Variants in MYO3A observed in about 807,000 individuals in gnomAD.
MYO3A encodes myosin-IIIa.
Under a neutral mutation model 192.7 loss-of-function variants are expected in MYO3A, and 180 were observed. That is an observed-to-expected ratio of 0.93 (90% CI 0.83 to 1.06). The LOEUF (loss-of-function observed/expected upper bound fraction) is 1.06, where lower values mean the gene tolerates loss of function less well. Ranked by LOEUF, MYO3A falls within the 50% of genes least tolerant of loss-of-function variation. The pLI is 0.00. For missense variants in MYO3A, 1,896 were observed against 1,905.0 expected (o/e 1.00, Z 0.09); for synonymous variants, 628 against 645.3 (o/e 0.97, Z 0.41).
intron 17 of MYO3A, among the ~76,000 whole-genome samples, chr10:26,097,056 C>T (rs1342822166): frequency 6.6e-6 from 1 of 151,596 alleles, no homozygotes; most frequent in Non-Finnish European, 1.5e-5. Context: ...TATAATTCAC[C>T]TATTTAAGGT....
intron 33 of MYO3A, 166 bp from the exon 34 acceptor site, chr10:26,202,798 T>C (rs529452298): frequency 4.2e-6 from 3 of 711,996 alleles, no homozygotes; most frequent in East Asian, 2.9e-5. Context: ...TTTTTACTTA[T>C]GGGATACACT....
At chr10:26,143,353 GC>G (rs1361619830) in intron 20 of MYO3A, 94 bp from the exon 21 acceptor site, 1 of 1,302,056 alleles carries the variant, frequency 7.7e-7, no homozygotes, top group East Asian at 2.5e-5. Context: ...GTCAAAGGGA[GC>G]AATTTATTTT....
At chr10:25,958,298 C>G (rs905513167) in intron 4 of MYO3A, among the ~76,000 whole-genome samples, 3 of 152,094 alleles carry the variant, frequency 2.0e-5, no homozygotes, top group Non-Finnish European at 4.4e-5. Context: ...CAGTTTCAAT[C>G]TTCTGCATAT....
At chr10:26,068,920 A>G in intron 12 of MYO3A, 36 bp downstream of exon 12, 1 of 1,252,686 alleles carries the variant, frequency 8.0e-7, no homozygotes, top group South Asian at 1.2e-5. Flanking sequence ...TACTTCATAC[A>G]CATAATTATA....
rs10715590 is a variant in MYO3A at position 26,145,179 on chromosome 10, C to CA, written c.2417-248dup. On this transcript the variant is annotated intron_variant, in intron 21 of 34. Transcript: ENST00000642920. ...GGGCAACAAGAACGAAACTCTGTCT[C>CA]AAAAAAAAAAAAAAAAAAACCCTCA... Among the ~76,000 whole-genome samples, 1,465 of 94,106 alleles carry CA rather than the reference C, an allele frequency of 0.016. 10 individuals are homozygous for CA. Among genetic ancestry groups the CA allele is most frequent in the South Asian group, 0.023 (57 of 2,450 alleles). The allele number at this position is 94,106 out of a possible 152,430, so 61.7% of individuals were successfully genotyped here.
chr10:26,034,847 ATATATTTAATATTGGTG>A (rs1842953598), intron 10 of MYO3A, among the ~76,000 whole-genome samples: 1 of 151,516 alleles, frequency 6.6e-6, no homozygotes, highest in Non-Finnish European at 1.5e-5. Context: ...ATATATTGAT[ATATATTTAATATTGGTG>A]TATATTTAAT....
At chr10:26,066,704 G>T (rs1219226070) in intron 10 of MYO3A, among the ~76,000 whole-genome samples, 1 of 152,098 alleles carries the variant, frequency 6.6e-6, no homozygotes, top group Admixed American at 6.6e-5. Flanking sequence ...GAAATTTAGA[G>T]GAAGCTTTAA....
At chr10:26,027,205 T>A (rs1057449696) in intron 10 of MYO3A, among the ~76,000 whole-genome samples, 1 of 152,252 alleles carries the variant, frequency 6.6e-6, no homozygotes, top group Non-Finnish European at 1.5e-5. Flanking sequence ...TTAAATATCT[T>A]CGTACATCCT....
At position 26,193,211 on chromosome 10, in the gene MYO3A, G is replaced by A. The variant is rs1843236466; in HGVS notation, c.4445G>A (p.Cys1482Tyr). The change falls in exon 32 of 35, where the codon TGT becomes TAT. Residue 1482 changes from cysteine (C) to tyrosine (Y), a missense_variant. Coordinates refer to ENST00000642920, the MANE Select transcript of MYO3A (RefSeq NM_017433.5). ...ATGATCACCTTTCTTATAGGTGTCTGTAAAGGAGAGGAGCCAAAAATATTG... is the reference window on the plus strand; with the variant it reads ...ATGATCACCTTTCTTATAGGTGTCTATAAAGGAGAGGAGCCAAAAATATTG... ...VSSQQCLSGV[C>Y]KGEEPKILRP... is the part of the protein sequence containing the mutation. The A allele has an allele frequency of 6.2e-7, 1 of 1,611,406 alleles. No individual in the cohort carries two copies. The highest frequency in any genetic ancestry group is 8.5e-7 in the Non-Finnish European group (1 of 1,177,622).
At chr10:26,083,033 C>A (rs1395176064) in intron 14 of MYO3A, among the ~76,000 whole-genome samples, 6 of 152,188 alleles carry the variant, frequency 3.9e-5, no homozygotes, top group Non-Finnish European at 8.8e-5. Flanking sequence ...AGATAGTAGA[C>A]CGCAGCATAC....
chr10:26,079,162 A>G (rs1588914729), intron 14 of MYO3A, among the ~76,000 whole-genome samples: 1 of 152,098 alleles, frequency 6.6e-6, no homozygotes, highest in African/African-American at 2.4e-5. Flanking sequence ...TCTTAGGTCT[A>G]TTAGTAATTG....
chr10:26,083,258 A>C (rs1277103708), intron 14 of MYO3A, among the ~76,000 whole-genome samples: 3 of 152,240 alleles, frequency 2.0e-5, no homozygotes, highest in African/African-American at 7.2e-5. Context: ...TAGCATATAC[A>C]ACATGGATAC....
intron 17 of MYO3A, among the ~76,000 whole-genome samples, chr10:26,109,686 A>G (rs762195686): frequency 6.6e-6 from 1 of 152,218 alleles, no homozygotes; most frequent in Non-Finnish European, 1.5e-5. Context: ...CCAACTTTTA[A>G]AGTAAACTTT....
At chr10:26,136,436 C>CT (rs1839850364) in intron 20 of MYO3A, among the ~76,000 whole-genome samples, 2 of 152,222 alleles carry the variant, frequency 1.3e-5, no homozygotes, top group South Asian at 4.1e-4. Flanking sequence ...TTCCCTGTCA[C>CT]TGCATATACC....
intron 6 of MYO3A, among the ~76,000 whole-genome samples, chr10:26,004,553 T>C (rs1841060928): frequency 1.3e-5 from 2 of 152,114 alleles, no homozygotes; most frequent in African/African-American, 2.4e-5. Context: ...ATCTAGCACC[T>C]AGCTTTTGGT....
Position 25,990,758 on chromosome 10 carries a change from G to A in MYO3A, c.304-5732G>A, listed in dbSNP as rs190129533. On this transcript the variant is annotated intron_variant, in intron 4 of 34. Transcript: ENST00000642920. ...TTCTTACCTGTGAGTGAGAAGATGC[G>A]ATGTTTGGTTTTTTGTCCTTGCCAT... Among the ~76,000 whole-genome samples, 45 of 149,786 alleles carry A rather than the reference G, an allele frequency of 3.0e-4. 1 individual carries two copies. Among genetic ancestry groups the A allele is most frequent in the Admixed American group, 9.5e-4 (14 of 14,750 alleles).
intron 23 of MYO3A, among the ~76,000 whole-genome samples, chr10:26,153,122 G>T (rs537167818): frequency 1.3e-5 from 2 of 152,322 alleles, no homozygotes; most frequent in East Asian, 3.9e-4. Context: ...TTGGTGGGGT[G>T]AGAGCTGTGA....
intron 20 of MYO3A, among the ~76,000 whole-genome samples, chr10:26,131,453 A>G (rs1275232700): frequency 6.6e-6 from 1 of 152,120 alleles, no homozygotes; most frequent in Non-Finnish European, 1.5e-5. Context: ...ATTACCTTTG[A>G]AACATTTTCC....
intron 12 of MYO3A, among the ~76,000 whole-genome samples, chr10:26,069,225 C>T (rs531582494): frequency 8.7e-6 from 1 of 114,608 alleles, no homozygotes; most frequent in East Asian, 2.1e-4. Context: ...TGCCGCTGAA[C>T]TGAGTATGGG....
Sources: allele counts gnomAD v4.1 joint callset (sites outside exome capture counted in the v4.1 genomes callset), GRCh38; gene constraint gnomAD v4.1.1; transcripts MANE v1.5; gene names NCBI Gene and HGNC (gene_info 2026-07-23, HGNC 2026-07-21).